CADM2: variants seen among roughly 807,000 people sequenced by gnomAD.
The protein encoded by CADM2 is immunoglobulin superfamily member 4D.
A neutral mutation model predicts 49.8 loss-of-function variants in CADM2; 12 were observed. That is an observed-to-expected ratio of 0.24 (90% confidence interval 0.15 to 0.39). CADM2 has a LOEUF of 0.39. Ranked by LOEUF, CADM2 falls within the 10% of genes least tolerant of loss-of-function variation. CADM2 has a pLI of 1.00. For synonymous variants in CADM2, 214 were observed against 175.4 expected, an observed-to-expected ratio of 1.22 and a Z score of -1.74; for missense variants, 378 against 492.3, an observed-to-expected ratio of 0.77 and a Z score of 2.20.
intron 1 of CADM2, among the ~76,000 whole-genome samples, chr3:85,208,121 G>A (rs2041695365): frequency 6.6e-6 from 1 of 152,096 alleles, no homozygotes; most frequent in Non-Finnish European, 1.5e-5. Context: ...TCTCAGAAAG[G>A]AGTGATTTGC....
intron 7 of CADM2, among the ~76,000 whole-genome samples, chr3:85,942,874 G>T (rs943478176): frequency 2.0e-5 from 3 of 151,994 alleles, no homozygotes; most frequent in Non-Finnish European, 4.4e-5. Flanking sequence ...TGGGTCAAAT[G>T]GTATTTCCAG....
chr3:85,957,081 A>C (rs1724156267), intron 7 of CADM2, among the ~76,000 whole-genome samples: 1 of 151,716 alleles, frequency 6.6e-6, no homozygotes, highest in African/African-American at 2.4e-5. Flanking sequence ...AGATTTCTAC[A>C]TTGCTACAAA....
At chr3:85,053,542 CT>C (rs769246380) in intron 1 of CADM2, among the ~76,000 whole-genome samples, 5 of 151,862 alleles carry the variant, frequency 3.3e-5, no homozygotes, top group Non-Finnish European at 5.9e-5. Context: ...GGATGAGTGA[CT>C]CCCATAAAAG....
chr3:85,017,320 C>T (rs1327869187), intron 1 of CADM2, among the ~76,000 whole-genome samples: 1 of 152,154 alleles, frequency 6.6e-6, no homozygotes, highest in Non-Finnish European at 1.5e-5. Flanking sequence ...GTTGAAATTA[C>T]TTTGGATTTC....
chr3:85,686,620 A>G (rs2066225351), intron 1 of CADM2, among the ~76,000 whole-genome samples: 1 of 152,200 alleles, frequency 6.6e-6, no homozygotes, highest in Non-Finnish European at 1.5e-5. Context: ...GATCTAATAT[A>G]ATACCAAAAC....
At chr3:85,971,454 T>C (rs1429089097) in intron 8 of CADM2, among the ~76,000 whole-genome samples, 4 of 151,704 alleles carry the variant, frequency 2.6e-5, no homozygotes, top group Admixed American at 2.0e-4. Flanking sequence ...TCACAGAGCC[T>C]ACATGAAAAA....
chr3:85,411,994 T>C (rs544360677), intron 1 of CADM2, among the ~76,000 whole-genome samples: 4 of 152,142 alleles, frequency 2.6e-5, no homozygotes, highest in East Asian at 1.9e-4. Flanking sequence ...TGCCCAGCTA[T>C]TTTTTATATT....
At chr3:85,482,134 G>A (rs544444499) in intron 1 of CADM2, among the ~76,000 whole-genome samples, 1 of 151,484 alleles carries the variant, frequency 6.6e-6, no homozygotes, top group African/African-American at 2.4e-5. Context: ...TTATTCCTAG[G>A]GCATGCTTAT....
intron 1 of CADM2, among the ~76,000 whole-genome samples, chr3:85,637,470 C>T (rs1389032310): frequency 1.3e-5 from 2 of 148,320 alleles, no homozygotes; most frequent in South Asian, 4.3e-4. Context: ...GGCGCGGTGG[C>T]GGGCGCCTGT....
intron 1 of CADM2, among the ~76,000 whole-genome samples, chr3:84,964,475 T>G (rs1364361559): frequency 6.6e-6 from 1 of 152,198 alleles, no homozygotes; most frequent in Non-Finnish European, 1.5e-5. Context: ...TGCTGACAAG[T>G]GCTCTATGAT....
intron 1 of CADM2, among the ~76,000 whole-genome samples, chr3:85,369,685 TA>T (rs1342532611): frequency 5.9e-5 from 9 of 152,168 alleles, no homozygotes; most frequent in Non-Finnish European, 1.3e-4. Flanking sequence ...TTTGTTCAAC[TA>T]AAAGTTTTTT....
At chr3:85,354,507 A>G (rs751958722) in intron 1 of CADM2, among the ~76,000 whole-genome samples, 14 of 151,848 alleles carry the variant, frequency 9.2e-5, no homozygotes, top group Non-Finnish European at 1.9e-4. Flanking sequence ...GTATAATAAT[A>G]ATAATAATAA....
At chr3:85,262,892 T>A (rs1304293016) in intron 1 of CADM2, among the ~76,000 whole-genome samples, 4 of 149,730 alleles carry the variant, frequency 2.7e-5, no homozygotes, top group Non-Finnish European at 5.9e-5. Context: ...TTTCAAAATG[T>A]CATGTGTAAA....
At chr3:85,231,155 A>G (rs1164285292) in intron 1 of CADM2, among the ~76,000 whole-genome samples, 1 of 152,064 alleles carries the variant, frequency 6.6e-6, no homozygotes. Context: ...ACCTCATTTT[A>G]CCTTAATTAC....
At chr3:85,559,466 A>G (rs535252013) in intron 1 of CADM2, among the ~76,000 whole-genome samples, 10 of 152,180 alleles carry the variant, frequency 6.6e-5, no homozygotes, top group Admixed American at 2.0e-4. Context: ...CATGAATAAT[A>G]GTCTTATTAA....
chr3:85,271,394 A>T (rs924638541), intron 1 of CADM2, among the ~76,000 whole-genome samples: 1 of 151,346 alleles, frequency 6.6e-6, no homozygotes, highest in Admixed American at 6.6e-5. Context: ...CAGAAATCTG[A>T]TTCAATAATT....
chr3:85,469,419 T>C (rs1184621762), intron 1 of CADM2, among the ~76,000 whole-genome samples: 2 of 152,020 alleles, frequency 1.3e-5, no homozygotes, highest in Admixed American at 6.6e-5. Context: ...AGACGGGCCC[T>C]GTGTGGACAG....
chr3:85,428,453 A>C (rs1228628550), intron 1 of CADM2, among the ~76,000 whole-genome samples: 2 of 145,520 alleles, frequency 1.4e-5, no homozygotes, highest in Admixed American at 7.0e-5. Flanking sequence ...TATATATGAT[A>C]TATATGATAT....
intron 8 of CADM2, among the ~76,000 whole-genome samples, chr3:85,987,629 T>G (rs1295155620): frequency 6.8e-6 from 1 of 146,786 alleles, no homozygotes; most frequent in African/African-American, 2.5e-5. Context: ...TAATTAAATA[T>G]TATAATAAAA....
Sources: allele counts gnomAD v4.1 joint callset (sites outside exome capture counted in the v4.1 genomes callset), GRCh38; gene constraint gnomAD v4.1.1; transcripts MANE v1.5; gene names NCBI Gene and HGNC (gene_info 2026-07-23, HGNC 2026-07-21).